Variants in GNG11 observed in about 807,000 individuals in gnomAD.
GNG11 encodes the protein guanine nucleotide-binding protein G(I)/G(S)/G(O) subunit gamma-11.
GNG11 carries 6 observed loss-of-function variants against 7.4 expected under a neutral mutation model. That is an observed-to-expected ratio of 0.81 (90% CI 0.44 to 1.60). The LOEUF is 1.60. Ranked by LOEUF, GNG11 falls within the 40% of genes most tolerant of loss-of-function variation. The probability of loss-of-function intolerance (pLI) is 0.01; values close to 1 mark genes in which losing one functional copy is unlikely to be tolerated. For missense variants in GNG11, 65 were observed against 83.0 expected (o/e 0.78, Z 0.84); for synonymous variants, 31 against 25.9 (o/e 1.20, Z -0.60).
chr7:93,925,348 CTTCTT>C (rs767344044), intron 1 of GNG11, among the ~76,000 whole-genome samples: 73 of 152,174 alleles, frequency 4.8e-4, no homozygotes, highest in Middle Eastern at 3.4e-3. Flanking sequence ...TGAAGAAACT[CTTCTT>C]TTAAGAATAG....
chr7:93,923,202 G>T (rs545508650), intron 1 of GNG11, among the ~76,000 whole-genome samples: 1 of 152,244 alleles, frequency 6.6e-6, no homozygotes, highest in East Asian at 1.9e-4. Flanking sequence ...GAAATGAAGC[G>T]TTATAATATG....
In GNG11 at chr7:93,928,020, A is replaced by C. The variant is rs1420471942; in HGVS notation, c.*1804A>C. The C allele has an allele frequency of 6.6e-6, 1 of 152,132 alleles. No individual in the cohort carries two copies. The highest frequency in any genetic ancestry group is 1.5e-5 in the Non-Finnish European group (1 of 68,018). The allele number at this position is 152,132 out of a possible 1,614,324, so 9.4% of individuals were successfully genotyped here. A position where few individuals can be genotyped will look rare whatever the true frequency, so the allele number is the denominator to read the frequency against. On this transcript the variant is annotated 3_prime_UTR_variant, in exon 2 of 2. Transcript: ENST00000248564. Reference sequence around the variant, plus strand: ...AAGTTTTACTTCTATTAGCTGTTTCATTTCTTTGCACTTATAAAGTTTTCT... The same window carrying C: ...AAGTTTTACTTCTATTAGCTGTTTCCTTTCTTTGCACTTATAAAGTTTTCT...
chr7:93,922,376 T>C, intron 1 of GNG11, 143 bp downstream of exon 1: 1 of 491,698 alleles, frequency 2.0e-6, no homozygotes, highest in Non-Finnish European at 3.7e-6. Flanking sequence ...TGGCAGTGCC[T>C]GGGGACTGCC....
At position 93,927,350 on chromosome 7, in the gene GNG11, T is replaced by G. The variant is rs1392208614; in HGVS notation, c.*1134T>G. The G allele has an allele frequency of 1.3e-5, 2 of 152,268 alleles. No individual in the cohort carries two copies. The highest frequency in any genetic ancestry group is 2.9e-5 in the Non-Finnish European group (2 of 68,016). 9.4% of individuals were successfully genotyped at this position (152,268 alleles called of 1,614,324 possible). A position where few individuals can be genotyped will look rare whatever the true frequency, so the allele number is the denominator to read the frequency against. ...CTCCTGCTCAAGTTCATAACAAAGG[T>G]ACCTGAAGCCCAAACCTCACAAAAA... On this transcript the variant is annotated 3_prime_UTR_variant, in exon 2 of 2. Coordinates refer to ENST00000248564, the MANE Select transcript of GNG11 (RefSeq NM_004126.4).
rs556698198 is a variant in GNG11 at position 93,924,882 on chromosome 7, C to T, written c.97-1209C>T. 5.0e-4 allele frequency among the ~76,000 whole-genome samples: 76 copies of T among 152,276 alleles called. No homozygotes were observed. In the South Asian group the frequency reaches 0.014, roughly 28 times the overall value. Reference sequence around the variant, plus strand: ...AGGTCTCCATTTAAATTTGCTGGTGCGGCCTGGCGCGGTGTCCCACGCCTG... The same window carrying T: ...AGGTCTCCATTTAAATTTGCTGGTGTGGCCTGGCGCGGTGTCCCACGCCTG... On this transcript the variant is annotated intron_variant, in intron 1 of 1. Transcript: ENST00000248564.
rs1794622553 is a variant in GNG11 at position 93,922,169 on chromosome 7, A to C, written c.32A>C (p.Glu11Ala). ...GCCCTTCACATCGAAGATTTGCCAG[A>C]GAAGGAAAAACTGAAAATGGAAGTT... The part of the protein sequence containing the change: MPALHIEDLP[E>A]KEKLKMEVEQ... Residue 11 changes from glutamate to alanine, a missense_variant, in exon 1 of 2, where the codon GAG (glutamate) becomes GCG (alanine). Physicochemically the swap from Glu to Ala is moderately radical, Grantham distance 107. Transcript: ENST00000248564. 1 of 1,596,864 alleles carries C rather than the reference A, an allele frequency of 6.3e-7. No homozygotes were observed. Among genetic ancestry groups the C allele is most frequent in the East Asian group, 2.2e-5 (1 of 44,478 alleles).
In GNG11 at chr7:93,922,106, A is replaced by T; in HGVS notation, c.-32A>T. 1 of 1,391,614 alleles carries T rather than the reference A, an allele frequency of 7.2e-7. No individual in the cohort carries two copies. Among genetic ancestry groups the T allele is most frequent in the Non-Finnish European group, 9.9e-7 (1 of 1,009,524 alleles). 86.2% of individuals were successfully genotyped at this position (1,391,614 alleles called of 1,614,324 possible). A position where few individuals can be genotyped will look rare whatever the true frequency, so the allele number is the denominator to read the frequency against. The stretch of plus-strand genomic sequence containing the variant: ...CCGCTCTTCCAGCGGCTCCGCTGCC[A>T]GAGCTAGCCCGAGCCCGGTTCTGGG... On this transcript the variant is annotated 5_prime_UTR_variant, in exon 1 of 2. Coordinates refer to ENST00000248564, the MANE Select transcript of GNG11 (RefSeq NM_004126.4).
chr7:93,922,951 C>T (rs919836934), intron 1 of GNG11, among the ~76,000 whole-genome samples: 1 of 152,090 alleles, frequency 6.6e-6, no homozygotes, highest in Admixed American at 6.6e-5. Flanking sequence ...ATTCAATATT[C>T]TCCACTGAAA....
chr7:93,925,037 G>A (rs1358988167), intron 1 of GNG11, among the ~76,000 whole-genome samples: 11 of 152,136 alleles, frequency 7.2e-5, no homozygotes, highest in African/African-American at 1.4e-4. Context: ...GGTGGTGGGC[G>A]CCTGTAGTCC....
Position 93,923,304 on chromosome 7 carries a change from T to G in GNG11, c.96+1071T>G, listed in dbSNP as rs568089511. ...TGATTAGAAGATGCAGGCATTTTTGTGTTTTACTTTTTACATATTTCTTTT... is the reference window on the plus strand; with the variant it reads ...TGATTAGAAGATGCAGGCATTTTTGGGTTTTACTTTTTACATATTTCTTTT... On this transcript the variant is annotated intron_variant, in intron 1 of 1. Coordinates refer to ENST00000248564, the MANE Select transcript of GNG11 (RefSeq NM_004126.4). Among the ~76,000 whole-genome samples the G allele has an allele frequency of 1.1e-4, 16 of 152,328 alleles. No individual in the cohort carries two copies. The South Asian group carries it at 3.3e-3, about 32-fold the overall frequency.
chr7:93,922,632 T>A (rs1193113401), intron 1 of GNG11, among the ~76,000 whole-genome samples: 1 of 152,222 alleles, frequency 6.6e-6, no homozygotes, highest in Admixed American at 6.5e-5. Context: ...AACCGTATTT[T>A]AAAGTCTTAC....
At position 93,927,705 on chromosome 7, in the gene GNG11, CAG is replaced by C. The variant is rs1175249139; in HGVS notation, c.*1491_*1492del. The C allele has an allele frequency of 6.6e-6, 1 of 152,134 alleles. No homozygotes were observed. The highest frequency in any genetic ancestry group is 1.5e-5 in the Non-Finnish European group (1 of 68,030). 9.4% of individuals were successfully genotyped at this position (152,134 alleles called of 1,614,324 possible). Reference sequence around the variant, plus strand: ...TTTCCTTTCCCTCTCTGGGAAAGAACAGAATACCCCAGGCTTTTGAAAAATAG... The same window carrying C: ...TTTCCTTTCCCTCTCTGGGAAAGAACAATACCCCAGGCTTTTGAAAAATAG... On this transcript the variant is annotated 3_prime_UTR_variant, in exon 2 of 2. Transcript: ENST00000248564.
Position 93,927,281 on chromosome 7 carries a change from C to G in GNG11, c.*1065C>G, listed in dbSNP as rs956995585. The stretch of plus-strand genomic sequence containing the variant: ...TGGCTTACCTTTTCACAGTGACCTT[C>G]CCTTCAGTGGTTTTATCCTGCAGGG... On this transcript the variant is annotated 3_prime_UTR_variant, in exon 2 of 2. Transcript: ENST00000248564. The G allele has an allele frequency of 6.6e-6, 1 of 152,222 alleles. No individual in the cohort carries two copies. Among genetic ancestry groups the G allele is most frequent in the African/African-American group, 2.4e-5 (1 of 41,424 alleles). The allele number at this position is 152,222 out of a possible 1,614,324, so 9.4% of individuals were successfully genotyped here.
At position 93,922,123 on chromosome 7, in the gene GNG11, G is replaced by A. The variant is rs766296696; in HGVS notation, c.-15G>A. On this transcript the variant is annotated 5_prime_UTR_variant, in exon 1 of 2. Transcript: ENST00000248564. ...CCGCTGCCAGAGCTAGCCCGAGCCCGGTTCTGGGGCGAAAATGCCTGCCCT... is the reference window on the plus strand; with the variant it reads ...CCGCTGCCAGAGCTAGCCCGAGCCCAGTTCTGGGGCGAAAATGCCTGCCCT... 1.9e-6 allele frequency: 3 copies of A among 1,553,334 alleles called. No individual in the cohort carries two copies. Among genetic ancestry groups the A allele is most frequent in the African/African-American group, 1.4e-5 (1 of 73,534 alleles).
In GNG11 at chr7:93,926,755, T is replaced by C. The variant is rs1794685186; in HGVS notation, c.*539T>C. 6.6e-6 allele frequency: 1 copy of C among 152,272 alleles called. No homozygotes were observed. Among genetic ancestry groups the C allele is most frequent in the African/African-American group, 2.4e-5 (1 of 41,466 alleles). The allele number at this position is 152,272 out of a possible 1,614,324, so 9.4% of individuals were successfully genotyped here. Reference sequence around the variant, plus strand: ...TGAGCAGGTAGAATTCCTATAACATTGACAGAAGTCAGATTATCTGAGTCA... The same window carrying C: ...TGAGCAGGTAGAATTCCTATAACATCGACAGAAGTCAGATTATCTGAGTCA... On this transcript the variant is annotated 3_prime_UTR_variant, in exon 2 of 2. Coordinates refer to ENST00000248564, the MANE Select transcript of GNG11 (RefSeq NM_004126.4).
At position 93,926,112 on chromosome 7, in the gene GNG11, A is replaced by G. The variant is rs752023836; in HGVS notation, c.118A>G (p.Ile40Val). Residue 40 changes from isoleucine to valine, a missense_variant, in exon 2 of 2, where the codon ATA becomes GTA. Ile to Val is a conservative substitution (Grantham distance 29). Coordinates refer to ENST00000248564, the MANE Select transcript of GNG11 (RefSeq NM_004126.4). ...RQQVSKCSEE[I>V]KNYIEERSGE... ...TAAGGTGTCTAAATGTTCTGAAGAA[A>G]TAAAGAACTATATTGAAGAACGTTC... 5 of 1,527,398 alleles carry G rather than the reference A, an allele frequency of 3.3e-6. No homozygotes were observed. Among genetic ancestry groups the G allele is most frequent in the South Asian group, 2.5e-5 (2 of 79,702 alleles). 94.6% of individuals were successfully genotyped at this position (1,527,398 alleles called of 1,614,324 possible). A position where few individuals can be genotyped will look rare whatever the true frequency, so the allele number is the denominator to read the frequency against.
intron 1 of GNG11, among the ~76,000 whole-genome samples, chr7:93,925,502 A>G (rs1403252358): frequency 6.6e-6 from 1 of 152,182 alleles, no homozygotes; most frequent in Non-Finnish European, 1.5e-5. Flanking sequence ...GGAGCAACAC[A>G]GAGTGCGATA....
chr7:93,923,519 G>A (rs1264488953), intron 1 of GNG11, among the ~76,000 whole-genome samples: 3 of 152,150 alleles, frequency 2.0e-5, no homozygotes, highest in South Asian at 2.1e-4. Flanking sequence ...TATGGATGGC[G>A]AAGTTCCCAG....
At chr7:93,922,254 T>G in intron 1 of GNG11, 21 bp downstream of exon 1, 2 of 1,392,040 alleles carry the variant, frequency 1.4e-6, no homozygotes, top group Non-Finnish European at 2.0e-6. Flanking sequence ...TGTTCCGGAA[T>G]ATTTCCTTCT....
Sources: allele counts gnomAD v4.1 joint callset (sites outside exome capture counted in the v4.1 genomes callset), GRCh38; gene constraint gnomAD v4.1.1; transcripts MANE v1.5; gene names NCBI Gene and HGNC (gene_info 2026-07-23, HGNC 2026-07-21).